The following BBX variants were observed in gnomAD, a reference collection of about 807,000 sequenced individuals.
BBX encodes BBX high mobility group box domain containing.
A neutral mutation model predicts 100.2 loss-of-function variants in BBX; 30 were observed. The observed-to-expected ratio is 0.30, with a 90% CI of 0.22 to 0.41. BBX has a LOEUF of 0.41. BBX is among the 10% of genes least tolerant of loss of function. The probability of loss-of-function intolerance (pLI) is 1.00; values close to 1 mark genes in which losing one functional copy is unlikely to be tolerated. For synonymous variants in BBX, 376 were observed against 388.1 expected (o/e 0.97, Z 0.37); for missense variants, 1,023 against 1,129.8 (o/e 0.91, Z 1.35).
chr3:107,560,465 A>C (rs766979617), intron 2 of BBX, among the ~76,000 whole-genome samples: 3 of 152,226 alleles, frequency 2.0e-5, no homozygotes, highest in East Asian at 1.9e-4. Flanking sequence ...TCTTTCTGAT[A>C]AGCTGTGATA....
At chr3:107,714,327 G>A (rs7630882) in intron 4 of BBX, among the ~76,000 whole-genome samples, 150,165 of 152,220 alleles carry the variant, frequency 0.99, 74,092 homozygotes, top group East Asian at 1. Flanking sequence ...GCCTTCTTGC[G>A]CTTCTTCCCA....
intron 3 of BBX, among the ~76,000 whole-genome samples, chr3:107,703,886 A>G (rs973160365): frequency 6.6e-6 from 1 of 152,202 alleles, no homozygotes; most frequent in African/African-American, 2.4e-5. Flanking sequence ...TTGCTTTTCT[A>G]CCATGAAAAG....
intron 2 of BBX, among the ~76,000 whole-genome samples, chr3:107,547,939 C>T (rs925106950): frequency 6.6e-6 from 1 of 152,154 alleles, no homozygotes; most frequent in Non-Finnish European, 1.5e-5. Flanking sequence ...ACTCTGACAC[C>T]TAGATTCTAA....
rs1349671735 is a variant in BBX at position 107,774,803 on chromosome 3, C to G, written c.2000C>G (p.Thr667Ser). 18 of 1,613,522 alleles carry G rather than the reference C, an allele frequency of 1.1e-5. No individual in the cohort carries two copies. The highest frequency in any genetic ancestry group is 1.4e-5 in the Non-Finnish European group (16 of 1,179,656). ...EESWTFSQSG[T>S]SGSKKFKKTK... is the part of the protein sequence containing the mutation. ...AGCTGGACATTTAGTCAGAGTGGGA[C>G]CAGTGGGAGCAAGAAGTTCAAGAAG... The change falls in exon 12 of 18, where the codon ACC becomes AGC. Residue 667 changes from threonine (T) to serine (S), a missense_variant. Physicochemically the swap from Thr to Ser is moderately conservative, Grantham distance 58. This residue lies in a region of BBX where 215 missense variants were observed against 211.3 expected (regional missense o/e 1.02). Transcript: ENST00000325805.
chr3:107,805,503 C>G lies in BBX; in HGVS notation c.*46C>G. 6.2e-7 allele frequency: 1 copy of G among 1,613,888 alleles called. No individual in the cohort carries two copies. Among genetic ancestry groups the G allele is most frequent in the Non-Finnish European group, 8.5e-7 (1 of 1,179,842 alleles). On this transcript the variant is annotated 3_prime_UTR_variant, in exon 18 of 18. Transcript: ENST00000325805. ...CATTGTGCTTTACCTACTACCCTAG[C>G]CTTGTCTTTACCGAGGGATGCTAGT...
At chr3:107,639,725 CT>C (rs2057077708) in intron 2 of BBX, among the ~76,000 whole-genome samples, 2 of 152,074 alleles carry the variant, frequency 1.3e-5, no homozygotes, top group African/African-American at 4.8e-5. Flanking sequence ...CAGCAAAAAT[CT>C]TATGGCAATG....
At chr3:107,685,590 G>A (rs2059801471) in intron 3 of BBX, among the ~76,000 whole-genome samples, 1 of 152,218 alleles carries the variant, frequency 6.6e-6, no homozygotes, top group Non-Finnish European at 1.5e-5. Context: ...CCTGCCATGA[G>A]TAATGGACCT....
intron 1 of BBX, 137 bp downstream of exon 1, chr3:107,523,244 C>T (rs1286510878): frequency 4.5e-6 from 1 of 224,164 alleles, no homozygotes; most frequent in Admixed American, 5.4e-5. Flanking sequence ...GCGGCGGCGG[C>T]GGCAGCCGGT....
intron 2 of BBX, among the ~76,000 whole-genome samples, chr3:107,642,920 A>G (rs188062351): frequency 1.0e-3 from 152 of 152,272 alleles, no homozygotes; most frequent in Non-Finnish European, 1.7e-3. Context: ...AGCTTAATCT[A>G]TTACCCAGAG....
intron 2 of BBX, among the ~76,000 whole-genome samples, chr3:107,540,120 A>G (rs1292047913): frequency 1.3e-5 from 2 of 152,196 alleles, no homozygotes; most frequent in Non-Finnish European, 2.9e-5. Flanking sequence ...TTAGTTGGAC[A>G]GTGTTTATGT....
At chr3:107,696,486 G>T (rs1277538018) in intron 3 of BBX, among the ~76,000 whole-genome samples, 3 of 151,200 alleles carry the variant, frequency 2.0e-5, no homozygotes, top group Admixed American at 6.6e-5. Context: ...TGAAATTCTG[G>T]GTTGAAAATT....
chr3:107,746,811 G>A (rs953903044), intron 8 of BBX, among the ~76,000 whole-genome samples: 1 of 152,068 alleles, frequency 6.6e-6, no homozygotes, highest in African/African-American at 2.4e-5. Context: ...ACGTGGCCCT[G>A]TTGTTTTTCT....
intron 2 of BBX, among the ~76,000 whole-genome samples, chr3:107,616,720 A>C (rs573485590): frequency 6.6e-6 from 1 of 151,766 alleles, no homozygotes; most frequent in South Asian, 2.1e-4. Context: ...TTGTTCATGT[A>C]TTTTCTCCCT....
chr3:107,760,426 C>A (rs1470033140), intron 10 of BBX, among the ~76,000 whole-genome samples: 1 of 152,168 alleles, frequency 6.6e-6, no homozygotes, highest in East Asian at 1.9e-4. Context: ...ATCTTACACC[C>A]TTAAATAAGT....
intron 6 of BBX, 141 bp downstream of exon 6, chr3:107,729,101 A>G: frequency 1.2e-6 from 1 of 836,226 alleles, no homozygotes; most frequent in Non-Finnish European, 1.9e-6. Context: ...ATTTTCAAGC[A>G]TTGGATCATG....
In BBX at chr3:107,733,902, A is replaced by T. The variant is rs140967257; in HGVS notation, c.669+879A>T. ...CAGGTAGTGGCAGTTAACCATGCAC[A>T]GTCTGCATTTGTAGAATTCCCCTAT... On this transcript the variant is annotated intron_variant, in intron 7 of 17. Transcript: ENST00000325805. 2.0e-5 allele frequency among the ~76,000 whole-genome samples: 3 copies of T among 152,260 alleles called. No individual in the cohort carries two copies. In the East Asian group the frequency reaches 5.8e-4, roughly 29 times the overall value.
At chr3:107,640,718 A>G (rs1467736039) in intron 2 of BBX, among the ~76,000 whole-genome samples, 2 of 152,154 alleles carry the variant, frequency 1.3e-5, no homozygotes, top group African/African-American at 4.8e-5. Flanking sequence ...GCTGGTGTGC[A>G]GTAGTACAAT....
At chr3:107,580,682 A>T (rs2107548055) in intron 2 of BBX, among the ~76,000 whole-genome samples, 3 of 152,224 alleles carry the variant, frequency 2.0e-5, no homozygotes, top group Middle Eastern at 6.8e-3. Context: ...CCCAAGCTGG[A>T]GTGCAGTGGC....
intron 17 of BBX, among the ~76,000 whole-genome samples, chr3:107,801,768 A>G (rs1266236157): frequency 6.6e-6 from 1 of 152,082 alleles, no homozygotes; most frequent in Non-Finnish European, 1.5e-5. Flanking sequence ...CTTATTGGTG[A>G]TGGTGTTGGT....
Sources: gnomAD v4.1 joint callset for allele counts (sites outside exome capture counted in the v4.1 genomes callset) on GRCh38, gnomAD v4.1.1 for gene constraint, gnomAD v4.1.1 regional missense constraint, MANE v1.5 for transcripts, NCBI Gene and HGNC (gene_info 2026-07-23, HGNC 2026-07-21) for gene names.